The following STK32B variants were observed in gnomAD, a reference collection of about 807,000 sequenced individuals.
The protein encoded by STK32B is serine/threonine kinase 32B.
A neutral mutation model predicts 52.6 loss-of-function variants in STK32B; 43 were observed. The ratio of observed to expected loss-of-function variants is 0.82; its 90% confidence interval spans 0.64 to 1.05. The LOEUF (loss-of-function observed/expected upper bound fraction) is 1.05, where lower values mean the gene tolerates loss of function less well. Ranked by LOEUF, STK32B falls within the 50% of genes least tolerant of loss-of-function variation. The pLI is 0.00. For missense variants in STK32B, 621 were observed against 534.6 expected (o/e 1.16, Z -1.59); for synonymous variants, 238 against 204.3 (o/e 1.17, Z -1.41).
At chr4:5,406,899 C>T (rs913608458) in intron 5 of STK32B, among the ~76,000 whole-genome samples, 2 of 152,152 alleles carry the variant, frequency 1.3e-5, no homozygotes, top group Admixed American at 1.3e-4. Context: ...CTCCCTTTTA[C>T]TCATACAAAT....
chr4:5,095,476 G>C (rs192288969), intron 1 of STK32B, among the ~76,000 whole-genome samples: 66 of 152,204 alleles, frequency 4.3e-4, no homozygotes, highest in African/African-American at 1.4e-3. Flanking sequence ...CTAGCCAGGC[G>C]TGGTGGCACA....
chr4:5,055,708 C>T (rs2108753901), intron 1 of STK32B, among the ~76,000 whole-genome samples: 1 of 152,254 alleles, frequency 6.6e-6, no homozygotes, highest in South Asian at 2.1e-4. Context: ...GCCCTGCACC[C>T]TCACACCATA....
At position 5,400,494 on chromosome 4, in the gene STK32B, C is replaced by T. The variant is rs1210219765; in HGVS notation, c.472+2250C>T. On this transcript the variant is annotated intron_variant, in intron 5 of 11. Transcript: ENST00000282908. This position sits in a 1 kb window ranked among gnomAD's most constrained non-coding sequence, Gnocchi z 6.1. Reference sequence around the variant, plus strand: ...CCCCTGCATCCAGTCTTCTCCCTCTCCAGCCTCCCATTTCATCGAAAAGTC... The same window carrying T: ...CCCCTGCATCCAGTCTTCTCCCTCTTCAGCCTCCCATTTCATCGAAAAGTC... Among the ~76,000 whole-genome samples the T allele has an allele frequency of 1.3e-5, 2 of 152,182 alleles. No individual in the cohort carries two copies. Among genetic ancestry groups the T allele is most frequent in the African/African-American group, 4.8e-5 (2 of 41,434 alleles).
At chr4:5,106,855 C>G (rs1444701336) in intron 1 of STK32B, among the ~76,000 whole-genome samples, 2 of 152,106 alleles carry the variant, frequency 1.3e-5, no homozygotes, top group Non-Finnish European at 2.9e-5. Flanking sequence ...TTCCCCTGGC[C>G]CTTAAATGTC....
intron 4 of STK32B, among the ~76,000 whole-genome samples, chr4:5,384,597 G>A (rs73797305): frequency 0.059 from 9,011 of 152,168 alleles, 775 homozygotes; most frequent in African/African-American, 0.19. Flanking sequence ...GGCGCAGTGC[G>A]GAGTCATCAG....
chr4:5,398,229 C>T lies in STK32B; in HGVS notation c.457C>T (p.Leu153=). 6.2e-7 allele frequency: 1 copy of T among 1,614,070 alleles called. No homozygotes were observed. Among genetic ancestry groups the T allele is most frequent in the Non-Finnish European group, 8.5e-7 (1 of 1,180,012 alleles). ...IHRDIKPDNI[L]LDEHGHVHIT... is the part of the protein sequence containing the mutation. ...CAGAGACATCAAGCCAGACAATATC[C>T]TGCTGGATGAACACGGTAAGCCTGC... Residue 153 remains leucine, a synonymous_variant, in exon 5 of 12, where the codon CTG becomes TTG. Coordinates refer to ENST00000282908, the MANE Select transcript of STK32B (RefSeq NM_018401.3). This position sits in a 1 kb window ranked among gnomAD's most constrained non-coding sequence, Gnocchi z 4.9.
rs116543135 is a variant in STK32B at position 5,381,301 on chromosome 4, A to G, written c.435-16906A>G. On this transcript the variant is annotated intron_variant, in intron 4 of 11. Coordinates refer to ENST00000282908, the MANE Select transcript of STK32B (RefSeq NM_018401.3). ...CCTGTTTGATGGATGAGGAAGCTAGACTTAGAGCATTTAAGTCTCCAGGTC... is the reference window on the plus strand; with the variant it reads ...CCTGTTTGATGGATGAGGAAGCTAGGCTTAGAGCATTTAAGTCTCCAGGTC... Among the ~76,000 whole-genome samples, 615 of 152,328 alleles carry G rather than the reference A, an allele frequency of 4.0e-3. 4 individuals carry two copies. Among genetic ancestry groups the G allele is most frequent in the African/African-American group, 0.013 (545 of 41,570 alleles).
the STK32B span, among the ~76,000 whole-genome samples, chr4:5,044,543 A>C: frequency 6.6e-6 from 1 of 151,948 alleles, no homozygotes; most frequent in Non-Finnish European, 1.5e-5. Flanking sequence ...GCTATCTTTG[A>C]CTCATCTTTT....
At chr4:5,114,156 G>A (rs1353069269) in intron 1 of STK32B, among the ~76,000 whole-genome samples, 1 of 151,686 alleles carries the variant, frequency 6.6e-6, no homozygotes, top group African/African-American at 2.4e-5. Flanking sequence ...ATTCTCTCCA[G>A]GCCAGTCCCA....
intron 5 of STK32B, among the ~76,000 whole-genome samples, chr4:5,409,783 G>A (rs146177679): frequency 2.0e-5 from 3 of 152,228 alleles, no homozygotes; most frequent in Non-Finnish European, 2.9e-5. Context: ...ACCTGTGCAT[G>A]GGGGCAGCCT....
chr4:5,022,685 C>T, the STK32B span, among the ~76,000 whole-genome samples: 4 of 152,212 alleles, frequency 2.6e-5, no homozygotes, highest in Non-Finnish European at 4.4e-5. Flanking sequence ...TCAGAGTTAA[C>T]GAGCAGGTGA....
intron 3 of STK32B, among the ~76,000 whole-genome samples, chr4:5,249,589 C>G (rs1489721322): frequency 6.6e-6 from 1 of 151,544 alleles, no homozygotes; most frequent in Admixed American, 6.6e-5. Flanking sequence ...AGCAAAAACC[C>G]AAAGCATAAT....
chr4:5,321,585 A>G (rs1030570562), intron 3 of STK32B, among the ~76,000 whole-genome samples: 1 of 152,086 alleles, frequency 6.6e-6, no homozygotes, highest in African/African-American at 2.4e-5. Context: ...CATTTTTCCC[A>G]CTATCTCCTC....
intron 2 of STK32B, among the ~76,000 whole-genome samples, chr4:5,151,978 C>T (rs1188278901): frequency 1.3e-5 from 2 of 152,198 alleles, no homozygotes; most frequent in Non-Finnish European, 2.9e-5. Context: ...CTGTGCCAGC[C>T]ACATGGACCA....
At chr4:5,072,095 A>C (rs1262916879) in intron 1 of STK32B, among the ~76,000 whole-genome samples, 1 of 152,164 alleles carries the variant, frequency 6.6e-6, no homozygotes, top group Non-Finnish European at 1.5e-5. Context: ...ATATAAATTT[A>C]TGGCTGAAAC....
intron 2 of STK32B, among the ~76,000 whole-genome samples, chr4:5,148,293 T>G (rs776298618): frequency 1.3e-5 from 2 of 151,836 alleles, no homozygotes; most frequent in Non-Finnish European, 3.0e-5. Context: ...TCTTATTTTC[T>G]TCATCAGTTT....
At chr4:5,044,563 C>T in the STK32B span, among the ~76,000 whole-genome samples, 1 of 152,190 alleles carries the variant, frequency 6.6e-6, no homozygotes, top group Non-Finnish European at 1.5e-5. Flanking sequence ...TTCCTTCCTC[C>T]TTCAACCAAC....
intron 1 of STK32B, among the ~76,000 whole-genome samples, chr4:5,083,619 A>G (rs1712555476): frequency 6.6e-6 from 1 of 152,216 alleles, no homozygotes; most frequent in Non-Finnish European, 1.5e-5. Flanking sequence ...AATTATTCCC[A>G]GTATTCAGTA....
At chr4:5,250,572 C>G (rs1389432846) in intron 3 of STK32B, among the ~76,000 whole-genome samples, 1 of 152,136 alleles carries the variant, frequency 6.6e-6, no homozygotes, top group Non-Finnish European at 1.5e-5. Context: ...CTCGGCCTCC[C>G]AAAGTGCTAG....
Sources: allele counts gnomAD v4.1 joint callset (sites outside exome capture counted in the v4.1 genomes callset), GRCh38; gene constraint gnomAD v4.1.1; non-coding constraint Gnocchi (gnomAD v3.1); transcripts MANE v1.5; gene names NCBI Gene and HGNC (gene_info 2026-07-23, HGNC 2026-07-21).